HMSD: variants seen among roughly 807,000 people sequenced by gnomAD.
HMSD encodes serpin-like protein HMSD.
HMSD carries 13 observed loss-of-function variants against 10.0 expected under a neutral mutation model. That is an observed-to-expected ratio of 1.31 (90% CI 0.85 to 2.08). The LOEUF (loss-of-function observed/expected upper bound fraction) is 2.08, where lower values mean the gene tolerates loss of function less well. Ranked by LOEUF, HMSD falls within the 30% of genes most tolerant of loss-of-function variation. The pLI is 0.00. For synonymous variants in HMSD, 51 were observed against 54.2 expected, an observed-to-expected ratio of 0.94 and a Z score of 0.26; for missense variants, 169 against 166.3, an observed-to-expected ratio of 1.02 and a Z score of -0.09.
chr18:63,964,810 C>T (rs1267902361), downstream of HMSD, among the ~76,000 whole-genome samples: 1 of 152,176 alleles, frequency 6.6e-6, no homozygotes, highest in Non-Finnish European at 1.5e-5. Context: ...AAGGCCCTAT[C>T]TCCAGAAACT....
chr18:63,963,071 C>CTTTTCTT (rs1460858147), downstream of HMSD, among the ~76,000 whole-genome samples: 1 of 104,942 alleles, frequency 9.5e-6, no homozygotes, highest in African/African-American at 4.4e-5. Flanking sequence ...TCTTTTCTTT[C>CTTTTCTT]TCTTTCTTTC....
chr18:63,965,714 C>T (rs2050406651), downstream of HMSD, among the ~76,000 whole-genome samples: 1 of 152,130 alleles, frequency 6.6e-6, no homozygotes, highest in Non-Finnish European at 1.5e-5. Context: ...TAAGCATTGT[C>T]TTAGTCTGTT....
At chr18:63,960,048 A>T (rs2050377953) in intron 3 of HMSD, 110 bp from the exon 4 acceptor site, 1 of 1,096,928 alleles carries the variant, frequency 9.1e-7, no homozygotes, top group Non-Finnish European at 1.3e-6. Context: ...TGCAAATTAT[A>T]TATGGTAAAT....
chr18:63,950,188 G>A (rs1160154587), intron 1 of HMSD, among the ~76,000 whole-genome samples: 1 of 152,000 alleles, frequency 6.6e-6, no homozygotes, highest in Non-Finnish European at 1.5e-5. Context: ...AGGCTGAGGG[G>A]GGCGGATCAC....
rs770971478 is a variant in HMSD at position 63,960,338 on chromosome 18, C to G, written c.403C>G (p.Gln135Glu). 1.3e-6 allele frequency: 2 copies of G among 1,582,058 alleles called. No individual in the cohort carries two copies. Among genetic ancestry groups the G allele is most frequent in the South Asian group, 2.3e-5 (2 of 85,778 alleles). ...ILNSFIVSSL[Q>E]NCQI ...AAACAGTTTTATAGTCAGTTCTTTA[C>G]AAAACTGTCAAATATAAAAAGGAGT... The change falls in exon 4 of 4, where the codon CAA becomes GAA. Residue 135 changes from glutamine (Q) to glutamate (E), a missense_variant. By Grantham distance (29) the Gln-to-Glu change is conservative. Transcript: ENST00000408945.
At chr18:63,965,015 C>A (rs558130192), downstream of HMSD, among the ~76,000 whole-genome samples, 1 of 152,170 alleles carries the variant, frequency 6.6e-6, no homozygotes, top group South Asian at 2.1e-4. Context: ...CTTAATAATT[C>A]TTTGTATTAA....
rs2050340850 is a variant in HMSD, at chr18:63,953,379, G to A, written c.-77G>A. The A allele has an allele frequency of 9.2e-7, 1 of 1,086,720 alleles. No homozygotes were observed. Among genetic ancestry groups the A allele is most frequent in the Non-Finnish European group, 1.4e-6 (1 of 717,326 alleles). The allele number at this position is 1,086,720 out of a possible 1,614,324, so 67.3% of individuals were successfully genotyped here. On this transcript the variant is annotated 5_prime_UTR_variant, in exon 2 of 4. Transcript: ENST00000408945. The stretch of plus-strand genomic sequence containing the variant: ...GCTCACCGTCATGGATGCTCTATCA[G>A]AAGCAAATGGCACATTTGCATTAAA...
Position 63,960,725 on chromosome 18 carries a change from A to C in HMSD, c.*370A>C, listed in dbSNP as rs2288285. ...TAGGGCACAGCTAAAAAGACATTCC[A>C]TCAACCCCCTTGCAGCCAGAAAGAC... On this transcript the variant is annotated 3_prime_UTR_variant, in exon 4 of 4. Coordinates refer to ENST00000408945, the MANE Select transcript of HMSD (RefSeq NM_001123366.2). The C allele has an allele frequency of 0.026, 4,576 of 174,980 alleles. 173 individuals carry two copies. Among genetic ancestry groups the C allele is most frequent in the African/African-American group, 0.092 (3,836 of 41,674 alleles). 10.8% of individuals were successfully genotyped at this position (174,980 alleles called of 1,614,324 possible). A position where few individuals can be genotyped will look rare whatever the true frequency, so the allele number is the denominator to read the frequency against.
At chr18:63,967,646 C>A (rs2050416051) in intron 3 of HMSD, among the ~76,000 whole-genome samples, 1 of 152,098 alleles carries the variant, frequency 6.6e-6, no homozygotes, top group Non-Finnish European at 1.5e-5. Flanking sequence ...GGGAGTCAGA[C>A]AAAACTAGGT....
chr18:63,963,127 T>TTC (rs1212064820), downstream of HMSD, among the ~76,000 whole-genome samples: 11 of 138,666 alleles, frequency 7.9e-5, no homozygotes, highest in African/African-American at 2.4e-4. Flanking sequence ...CTTTCTTTCT[T>TTC]TCTTTCCTTT....
At chr18:63,950,828 A>T (rs967391233) in intron 1 of HMSD, among the ~76,000 whole-genome samples, 6 of 152,220 alleles carry the variant, frequency 3.9e-5, no homozygotes, top group African/African-American at 1.4e-4. Flanking sequence ...GAAAAGTAGC[A>T]GTGTCAGGTC....
Position 63,960,204 on chromosome 18 carries a change from A to G in HMSD, c.269A>G (p.Gln90Arg), listed in dbSNP as rs1225316235. The change falls in exon 4 of 4, where the codon CAG becomes CGG. Residue 90 changes from glutamine (Q) to arginine (R), a missense_variant. Coordinates refer to ENST00000408945, the MANE Select transcript of HMSD (RefSeq NM_001123366.2). ...CGKFYQATIK[Q>R]LDFVNDTEKS... The stretch of plus-strand genomic sequence containing the variant: ...AAATTCTACCAAGCAACGATAAAAC[A>G]GCTAGACTTTGTGAATGATACAGAG... 1.9e-6 allele frequency: 3 copies of G among 1,613,272 alleles called. No homozygotes were observed. The South Asian group carries it at 3.3e-5, about 18-fold the overall frequency.
Position 63,955,404 on chromosome 18 carries a change from A to G in HMSD, c.222+847A>G, listed in dbSNP as rs184488448. On this transcript the variant is annotated intron_variant, in intron 3 of 3. Coordinates refer to ENST00000408945, the MANE Select transcript of HMSD (RefSeq NM_001123366.2). ...TTAAGCTTATTTACTCTGGCCCATT[A>G]CAGACAGGAGTATTTCTTTACACAG... Among the ~76,000 whole-genome samples, 282 of 152,294 alleles carry G rather than the reference A, an allele frequency of 1.9e-3. 1 individual carries two copies. Among genetic ancestry groups the G allele is most frequent in the Admixed American group, 3.7e-3 (57 of 15,302 alleles).
chr18:63,967,735 A>G (rs1465223750), intron 3 of HMSD, among the ~76,000 whole-genome samples: 1 of 152,146 alleles, frequency 6.6e-6, no homozygotes, highest in Non-Finnish European at 1.5e-5. Flanking sequence ...GTATGAGGCA[A>G]GAAGACAGAA....
intron 3 of HMSD, among the ~76,000 whole-genome samples, chr18:63,957,600 G>T (rs745638286): frequency 6.6e-6 from 1 of 152,088 alleles, no homozygotes; most frequent in African/African-American, 2.4e-5. Context: ...TATAAGATTT[G>T]TATATGATAT....
At chr18:63,965,846 G>A (rs925228787), downstream of HMSD, among the ~76,000 whole-genome samples, 19 of 152,178 alleles carry the variant, frequency 1.2e-4, no homozygotes, top group African/African-American at 4.6e-4. Context: ...TTCTGGAGAG[G>A]GCTTTTGTGC....
intron 1 of HMSD, among the ~76,000 whole-genome samples, chr18:63,951,091 G>T (rs2050328150): frequency 6.6e-6 from 1 of 152,176 alleles, no homozygotes; most frequent in South Asian, 2.1e-4. Flanking sequence ...AGTCTTAGGA[G>T]AATCTAGTTT....
intron 3 of HMSD, among the ~76,000 whole-genome samples, chr18:63,957,390 T>C (rs1281628867): frequency 6.6e-6 from 1 of 152,178 alleles, no homozygotes; most frequent in Non-Finnish European, 1.5e-5. Context: ...CTTCTGTGAA[T>C]TGCCTATTTA....
chr18:63,953,360 C>A lies in HMSD; in HGVS notation c.-96C>A. ...TAAAAATCCATTGTTTCAGGCTCAC[C>A]GTCATGGATGCTCTATCAGAAGCAA... On this transcript the variant is annotated 5_prime_UTR_variant, in exon 2 of 4. Coordinates refer to ENST00000408945, the MANE Select transcript of HMSD (RefSeq NM_001123366.2). 1.2e-6 allele frequency: 1 copy of A among 834,674 alleles called. No homozygotes were observed. Among genetic ancestry groups the A allele is most frequent in the Non-Finnish European group, 2.0e-6 (1 of 496,196 alleles). The allele number at this position is 834,674 out of a possible 1,614,324, so 51.7% of individuals were successfully genotyped here. A position where few individuals can be genotyped will look rare whatever the true frequency, so the allele number is the denominator to read the frequency against.
Sources: gnomAD v4.1 joint callset for allele counts (sites outside exome capture counted in the v4.1 genomes callset) on GRCh38, gnomAD v4.1.1 for gene constraint, MANE v1.5 for transcripts, NCBI Gene and HGNC (gene_info 2026-07-23, HGNC 2026-07-21) for gene names.